RRAS2: variants seen among roughly 807,000 people sequenced by gnomAD.
RRAS2 encodes the protein ras-related protein R-Ras2.
RRAS2 carries 7 observed loss-of-function variants against 27.6 expected under a neutral mutation model. The observed-to-expected ratio is 0.25, with a 90% confidence interval of 0.14 to 0.48. The LOEUF is 0.48. RRAS2 is among the 20% of genes least tolerant of loss of function. The pLI is 0.99. For synonymous variants in RRAS2, 86 were observed against 90.9 expected, an observed-to-expected ratio of 0.95 and a Z score of 0.31; for missense variants, 178 against 256.2, an observed-to-expected ratio of 0.69 and a Z score of 2.08.
intron 1 of RRAS2, among the ~76,000 whole-genome samples, chr11:14,342,317 C>T (rs1554953380): frequency 6.6e-6 from 1 of 152,232 alleles, no homozygotes; most frequent in Non-Finnish European, 1.5e-5. Flanking sequence ...ATCCCAGCTT[C>T]GCTTTTTACT....
At chr11:14,340,161 C>T (rs1428808437) in intron 1 of RRAS2, among the ~76,000 whole-genome samples, 5 of 143,196 alleles carry the variant, frequency 3.5e-5, no homozygotes, top group South Asian at 2.4e-4. Flanking sequence ...TGTAGTGGCG[C>T]GACCTCGGCT....
At position 14,311,090 on chromosome 11, in the gene RRAS2, A is replaced by C. The variant is rs1847952614; in HGVS notation, c.109-15235T>G. Among the ~76,000 whole-genome samples, 5 of 152,200 alleles carry C rather than the reference A, an allele frequency of 3.3e-5. No homozygotes were observed. In the South Asian group the frequency reaches 1.0e-3, roughly 32 times the overall value. On this transcript the variant is annotated intron_variant, in intron 1 of 5. Coordinates refer to ENST00000256196, the MANE Select transcript of RRAS2 (RefSeq NM_012250.6). ...AGGCCAGAAGCAGTGGCTCATGCCTATAATGCCAACACTTTGGGAGGTCAA... is the reference window on the plus strand; with the variant it reads ...AGGCCAGAAGCAGTGGCTCATGCCTCTAATGCCAACACTTTGGGAGGTCAA...
intron 1 of RRAS2, among the ~76,000 whole-genome samples, chr11:14,312,227 C>T (rs1187443472): frequency 1.3e-5 from 2 of 152,140 alleles, no homozygotes; most frequent in African/African-American, 4.8e-5. Flanking sequence ...ACATGAATTA[C>T]AGCATATCTA....
intron 1 of RRAS2, among the ~76,000 whole-genome samples, chr11:14,340,155 G>A (rs1322873376): frequency 7.2e-6 from 1 of 139,052 alleles, no homozygotes; most frequent in Non-Finnish European, 1.6e-5. Flanking sequence ...CTGGAGTGTA[G>A]TGGCGCGACC....
chr11:14,284,674 T>C (rs1300456946), intron 4 of RRAS2, among the ~76,000 whole-genome samples: 1 of 152,328 alleles, frequency 6.6e-6, no homozygotes, highest in Middle Eastern at 3.4e-3. Flanking sequence ...TTTGAAGCTA[T>C]TAGATCACGA....
chr11:14,356,435 G>C (rs1554955436), intron 1 of RRAS2, among the ~76,000 whole-genome samples: 1 of 152,114 alleles, frequency 6.6e-6, no homozygotes, highest in South Asian at 2.1e-4. Context: ...CATAAACACT[G>C]ATAACACCTA....
chr11:14,339,343 C>T (rs571345743), intron 1 of RRAS2, among the ~76,000 whole-genome samples: 1 of 150,124 alleles, frequency 6.7e-6, no homozygotes, highest in African/African-American at 2.4e-5. Context: ...AAAGACCGAT[C>T]CATTTTTTGT....
At position 14,358,259 on chromosome 11, in the gene RRAS2, G is replaced by C; in HGVS notation, c.108+504C>G. 1 of 985,516 alleles carries C rather than the reference G, an allele frequency of 1.0e-6. No homozygotes were observed. 61.0% of individuals were successfully genotyped at this position (985,516 alleles called of 1,614,324 possible). ...ACACACAAAGAAATACACAGTACTTGAAGCGGGCAGCTCCGGCTCAGGCGG... is the reference window on the plus strand; with the variant it reads ...ACACACAAAGAAATACACAGTACTTCAAGCGGGCAGCTCCGGCTCAGGCGG... On this transcript the variant is annotated intron_variant, in intron 1 of 5. Transcript: ENST00000256196. This position sits in a 1 kb window ranked among gnomAD's most constrained non-coding sequence, Gnocchi z 5.1.
intron 4 of RRAS2, among the ~76,000 whole-genome samples, chr11:14,284,336 T>C (rs1451283390): frequency 1.3e-5 from 2 of 152,202 alleles, no homozygotes; most frequent in Non-Finnish European, 2.9e-5. Flanking sequence ...ATATCCTAGA[T>C]ACCTCTCTGT....
intron 1 of RRAS2, among the ~76,000 whole-genome samples, chr11:14,303,562 C>T (rs1414214176): frequency 1.3e-5 from 2 of 152,122 alleles, no homozygotes; most frequent in Admixed American, 6.5e-5. Context: ...CAGAGAGAGA[C>T]CCCCATCTCC....
chr11:14,363,989 G>A (rs1343684552), upstream of RRAS2, among the ~76,000 whole-genome samples: 1 of 152,114 alleles, frequency 6.6e-6, no homozygotes. Context: ...AGAATCGCTT[G>A]AACCCGGGAG....
Position 14,358,903 on chromosome 11 carries a change from G to T in RRAS2, c.-33C>A. 7.5e-7 allele frequency: 1 copy of T among 1,335,818 alleles called. No homozygotes were observed. The highest frequency in any genetic ancestry group is 9.7e-7 in the Non-Finnish European group (1 of 1,031,902). The allele number at this position is 1,335,818 out of a possible 1,614,324, so 82.7% of individuals were successfully genotyped here. ...CTACAGAGCCCAGCCTGACTGCGCC[G>T]AGCCGCCGCTGCCGCCCGCCCTAGG... On this transcript the variant is annotated 5_prime_UTR_variant, in exon 1 of 6. Coordinates refer to ENST00000256196, the MANE Select transcript of RRAS2 (RefSeq NM_012250.6). The surrounding 1 kb of genome is among the most constrained non-coding windows in gnomAD (Gnocchi z 5.1).
chr11:14,356,147 T>A (rs1281641299), intron 1 of RRAS2, among the ~76,000 whole-genome samples: 1 of 152,154 alleles, frequency 6.6e-6, no homozygotes, highest in African/African-American at 2.4e-5. Context: ...AAATTACACA[T>A]GCAGCAAGTG....
rs562365889 is a variant in RRAS2, at chr11:14,349,383, C to T, written c.108+9380G>A. ...TTCACTGTGTTAGCCAGGATGGTCT[C>T]GATCTGCTGACCTCGTGATACACCC... is the stretch of plus-strand genomic sequence containing the variant. On this transcript the variant is annotated intron_variant, in intron 1 of 5. Transcript: ENST00000256196. 3.3e-5 allele frequency among the ~76,000 whole-genome samples: 5 copies of T among 149,466 alleles called. No homozygotes were observed. In the East Asian group the frequency reaches 6.0e-4, roughly 18 times the overall value.
At chr11:14,310,475 G>C (rs1035249451) in intron 1 of RRAS2, among the ~76,000 whole-genome samples, 6 of 152,122 alleles carry the variant, frequency 3.9e-5, no homozygotes, top group Non-Finnish European at 8.8e-5. Flanking sequence ...GCTAAAAGTA[G>C]GAAGAGAACA....
intron 4 of RRAS2, among the ~76,000 whole-genome samples, 199 bp downstream of exon 4, chr11:14,294,272 T>C (rs1409695901): frequency 6.6e-6 from 1 of 152,210 alleles, no homozygotes; most frequent in African/African-American, 2.4e-5. Context: ...AATTTTAATT[T>C]CCCCAAATCT....
At chr11:14,315,486 G>A (rs1256884124) in intron 1 of RRAS2, among the ~76,000 whole-genome samples, 2 of 152,170 alleles carry the variant, frequency 1.3e-5, no homozygotes, top group African/African-American at 2.4e-5. Context: ...AGCCTAAGAA[G>A]GCATGACAAC....
chr11:14,290,215 C>A (rs1849773887), intron 4 of RRAS2, among the ~76,000 whole-genome samples: 1 of 152,186 alleles, frequency 6.6e-6, no homozygotes, highest in Non-Finnish European at 1.5e-5. Flanking sequence ...CTTTGGGAGG[C>A]CAAGGCGGCA....
rs1207603456 is a variant in RRAS2, at chr11:14,358,345, C to T, written c.108+418G>A. The T allele has an allele frequency of 8.1e-6, 8 of 985,440 alleles. No individual in the cohort carries two copies. The highest frequency in any genetic ancestry group is 4.7e-5 in the South Asian group (1 of 21,296). The allele number at this position is 985,440 out of a possible 1,614,324, so 61.0% of individuals were successfully genotyped here. Reference sequence around the variant, plus strand: ...CAAGTTGCCACCGCTATCGCCCCGACGGTGAAGGCGCGGCCGCAGGCGGCT... The same window carrying T: ...CAAGTTGCCACCGCTATCGCCCCGATGGTGAAGGCGCGGCCGCAGGCGGCT... On this transcript the variant is annotated intron_variant, in intron 1 of 5. Coordinates refer to ENST00000256196, the MANE Select transcript of RRAS2 (RefSeq NM_012250.6). The surrounding 1 kb of genome is among the most constrained non-coding windows in gnomAD (Gnocchi z 5.1).
Sources: allele counts gnomAD v4.1 joint callset (sites outside exome capture counted in the v4.1 genomes callset), GRCh38; gene constraint gnomAD v4.1.1; non-coding constraint Gnocchi (gnomAD v3.1); transcripts MANE v1.5; gene names NCBI Gene and HGNC (gene_info 2026-07-23, HGNC 2026-07-21).